SRGAP3: variants seen among roughly 807,000 people sequenced by gnomAD.
SRGAP3 encodes the protein SLIT-ROBO Rho GTPase-activating protein 3.
Under a neutral mutation model 121.1 loss-of-function variants are expected in SRGAP3, and 39 were observed. The ratio of observed to expected loss-of-function variants is 0.32; its 90% CI spans 0.25 to 0.42. SRGAP3 has a LOEUF of 0.42. Among genes scored for constraint, SRGAP3 ranks in the 10% least tolerant of loss-of-function variants. The pLI, the probability that SRGAP3 is intolerant of heterozygous loss-of-function variation, is 1.00. For synonymous variants in SRGAP3, 601 were observed against 570.0 expected (o/e 1.05, Z -0.77); for missense variants, 1,213 against 1,470.6 (o/e 0.82, Z 2.86).
At chr3:9,132,366 T>C (rs1949487099) in intron 1 of SRGAP3, among the ~76,000 whole-genome samples, 1 of 152,172 alleles carries the variant, frequency 6.6e-6, no homozygotes, top group African/African-American at 2.4e-5. Flanking sequence ...TACAGAATAG[T>C]GTTGCCACCC....
At chr3:9,021,588 G>A (rs1347403076) in intron 14 of SRGAP3, among the ~76,000 whole-genome samples, 1 of 152,182 alleles carries the variant, frequency 6.6e-6, no homozygotes, top group Non-Finnish European at 1.5e-5. Context: ...AATAAGCCAG[G>A]AGTGGATTTC....
At chr3:8,991,117 G>A (rs547927742) in intron 20 of SRGAP3, among the ~76,000 whole-genome samples, 2 of 152,308 alleles carry the variant, frequency 1.3e-5, no homozygotes, top group East Asian at 1.9e-4. Context: ...AATGCATCTG[G>A]TCTACATGCT....
At chr3:9,148,865 G>T (rs1950114073) in intron 1 of SRGAP3, among the ~76,000 whole-genome samples, 1 of 152,190 alleles carries the variant, frequency 6.6e-6, no homozygotes, top group Non-Finnish European at 1.5e-5. Context: ...AGAAAGAATG[G>T]ATTCCTTGGA....
intron 4 of SRGAP3, 84 bp from the exon 5 acceptor site, chr3:9,064,665 T>G (rs1257380088): frequency 6.5e-7 from 1 of 1,535,166 alleles, no homozygotes; most frequent in Non-Finnish European, 8.9e-7. Context: ...CATACCAAGT[T>G]CTACACTCTA....
chr3:9,282,453 T>C (rs1316583715), intron 3 of SRGAP3, among the ~76,000 whole-genome samples: 2 of 152,176 alleles, frequency 1.3e-5, no homozygotes, highest in African/African-American at 4.8e-5. Context: ...CATTTCTGCT[T>C]CTCCATTCAA....
At chr3:9,079,166 CACAA>C (rs147693010) in intron 4 of SRGAP3, among the ~76,000 whole-genome samples, 11,351 of 152,292 alleles carry the variant, frequency 0.075, 481 homozygotes, top group African/African-American at 0.1. Flanking sequence ...CTCCCCAACA[CACAA>C]ACAAACACAC....
chr3:9,242,754 G>C (rs1953691452), intron 1 of SRGAP3, among the ~76,000 whole-genome samples: 1 of 152,188 alleles, frequency 6.6e-6, no homozygotes, highest in African/African-American at 2.4e-5. Context: ...GTATGATCAT[G>C]GCTGACTGCA....
chr3:9,024,699 G>A (rs1285334904), intron 14 of SRGAP3, among the ~76,000 whole-genome samples: 1 of 152,228 alleles, frequency 6.6e-6, no homozygotes, highest in East Asian at 1.9e-4. Flanking sequence ...GTTGGAGGGA[G>A]TGTATAATCT....
At chr3:9,134,038 A>G (rs989725792) in intron 1 of SRGAP3, among the ~76,000 whole-genome samples, 1 of 152,248 alleles carries the variant, frequency 6.6e-6, no homozygotes, top group African/African-American at 2.4e-5. Context: ...GATAAAGCCA[A>G]TGCAAATCCT....
At chr3:9,200,333 A>G (rs907913239) in intron 1 of SRGAP3, among the ~76,000 whole-genome samples, 1 of 152,242 alleles carries the variant, frequency 6.6e-6, no homozygotes, top group Admixed American at 6.5e-5. Flanking sequence ...GGGGTTGGAC[A>G]AGGATTCTTT....
chr3:9,328,961 A>G (rs1955560506), intron 2 of SRGAP3, among the ~76,000 whole-genome samples: 1 of 151,474 alleles, frequency 6.6e-6, no homozygotes, highest in Non-Finnish European at 1.5e-5. Context: ...TTACAAGGTC[A>G]AGCTCCCAAG....
At chr3:9,200,004 A>G (rs1952024304) in intron 1 of SRGAP3, among the ~76,000 whole-genome samples, 1 of 152,248 alleles carries the variant, frequency 6.6e-6, no homozygotes, top group Non-Finnish European at 1.5e-5. Context: ...TCACACTGTC[A>G]GGCCGTAGGT....
At chr3:9,298,944 C>T (rs1954999470) in intron 3 of SRGAP3, among the ~76,000 whole-genome samples, 2 of 149,766 alleles carry the variant, frequency 1.3e-5, no homozygotes, top group African/African-American at 2.5e-5. Flanking sequence ...CCTGGCTACT[C>T]GGGAGGCTGA....
intron 1 of SRGAP3, among the ~76,000 whole-genome samples, chr3:9,176,327 T>C (rs565076059): frequency 6.6e-6 from 1 of 152,340 alleles, no homozygotes; most frequent in East Asian, 1.9e-4. Flanking sequence ...AAAATGCATA[T>C]GAAGGGCCTC....
intron 1 of SRGAP3, among the ~76,000 whole-genome samples, chr3:9,129,761 A>G (rs1273746138): frequency 6.7e-6 from 1 of 149,268 alleles, no homozygotes; most frequent in African/African-American, 2.5e-5. Context: ...GCAAATTACT[A>G]TTTCCCTTTT....
At chr3:9,059,539 TC>T (rs1218982296) in intron 6 of SRGAP3, 1 of 154,250 alleles carries the variant, frequency 6.5e-6, no homozygotes, top group East Asian at 1.9e-4. Flanking sequence ...CAGGGCCAGC[TC>T]CCCCATCGGT....
At chr3:9,261,369 A>G (rs1954252447) in intron 3 of SRGAP3, among the ~76,000 whole-genome samples, 1 of 152,138 alleles carries the variant, frequency 6.6e-6, no homozygotes, top group South Asian at 2.1e-4. Flanking sequence ...TAACAGAAGT[A>G]GGCTTCAGAA....
At chr3:9,149,869 AC>A (rs1405946326) in intron 1 of SRGAP3, among the ~76,000 whole-genome samples, 3 of 152,106 alleles carry the variant, frequency 2.0e-5, no homozygotes, top group Non-Finnish European at 4.4e-5. Context: ...ACCACCTAGC[AC>A]CTGTTTCCCC....
chr3:9,057,716 C>T (rs902792879), intron 7 of SRGAP3, among the ~76,000 whole-genome samples: 37 of 152,312 alleles, frequency 2.4e-4, no homozygotes, highest in Admixed American at 2.2e-3. Context: ...CCTTGGGTAA[C>T]GAGTAGGGCT....
Sources: allele counts gnomAD v4.1 joint callset (sites outside exome capture counted in the v4.1 genomes callset), GRCh38; gene constraint gnomAD v4.1.1; transcripts MANE v1.5; gene names NCBI Gene and HGNC (gene_info 2026-07-23, HGNC 2026-07-21).